FAM24B: variants seen among roughly 807,000 people sequenced by gnomAD.
The protein encoded by FAM24B is family with sequence similarity 24 member B.
A neutral mutation model predicts 2.3 loss-of-function variants in FAM24B; 3 were observed. That is an observed-to-expected ratio of 1.29 (90% CI 0.59 to 3.32). The LOEUF is 3.32. FAM24B is among the 30% of genes most tolerant of loss of function. The pLI, the probability that FAM24B is intolerant of heterozygous loss-of-function variation, is 0.03. For synonymous variants in FAM24B, 36 were observed against 46.3 expected, an observed-to-expected ratio of 0.78 and a Z score of 0.90; for missense variants, 98 against 117.2, an observed-to-expected ratio of 0.84 and a Z score of 0.76.
At chr10:122,868,362 G>A (rs1425010593) in intron 1 of FAM24B, among the ~76,000 whole-genome samples, 10 of 152,202 alleles carry the variant, frequency 6.6e-5, no homozygotes, top group Admixed American at 6.5e-4. Flanking sequence ...ACACTCTGCA[G>A]GATATTATCC....
intron 1 of FAM24B, among the ~76,000 whole-genome samples, chr10:122,860,868 C>T (rs949332563): frequency 1.3e-5 from 2 of 152,016 alleles, no homozygotes; most frequent in African/African-American, 2.4e-5. Context: ...TGCTTATTTC[C>T]TGAAATTAGG....
In FAM24B at chr10:122,870,015, T is replaced by C. The variant is rs1431577581; in HGVS notation, c.-178+9470A>G. The stretch of plus-strand genomic sequence containing the variant: ...TCCAGGAGCTGGTTTTTTGAAAAGA[T>C]CAACAAAATTGATAGACCGCTAGTA... On this transcript the variant is annotated intron_variant, in intron 1 of 3. Transcript: ENST00000368898. Among the ~76,000 whole-genome samples, 4 of 152,060 alleles carry C rather than the reference T, an allele frequency of 2.6e-5. No homozygotes were observed. In the East Asian group the frequency reaches 7.7e-4, roughly 29 times the overall value.
intron 1 of FAM24B, among the ~76,000 whole-genome samples, chr10:122,862,357 T>C (rs1847738380): frequency 6.6e-6 from 1 of 152,228 alleles, no homozygotes; most frequent in Non-Finnish European, 1.5e-5. Flanking sequence ...TCTCTCATGT[T>C]CATTTCAATG....
At chr10:122,865,184 A>G (rs1416345004) in intron 1 of FAM24B, among the ~76,000 whole-genome samples, 1 of 152,124 alleles carries the variant, frequency 6.6e-6, no homozygotes, top group African/African-American at 2.4e-5. Context: ...TTGGATTGTC[A>G]GGTTTTGTTT....
chr10:122,867,640 C>T (rs372535949), intron 1 of FAM24B, among the ~76,000 whole-genome samples: 7 of 152,312 alleles, frequency 4.6e-5, no homozygotes, highest in Admixed American at 2.0e-4. Context: ...CACCAATATC[C>T]GCTGTTCTGC....
intron 1 of FAM24B, among the ~76,000 whole-genome samples, chr10:122,867,315 C>T (rs1847818395): frequency 6.6e-6 from 1 of 152,224 alleles, no homozygotes; most frequent in Non-Finnish European, 1.5e-5. Flanking sequence ...GGGTGGAGTC[C>T]ACCACAGCTC....
At chr10:122,871,320 A>G (rs1020012645) in intron 1 of FAM24B, among the ~76,000 whole-genome samples, 1 of 152,234 alleles carries the variant, frequency 6.6e-6, no homozygotes, top group Admixed American at 6.5e-5. Context: ...TTCCATGCTC[A>G]TGGGTAGGAA....
At chr10:122,855,047 C>A (rs1847614821) in intron 2 of FAM24B, among the ~76,000 whole-genome samples, 1 of 152,082 alleles carries the variant, frequency 6.6e-6, no homozygotes, top group African/African-American at 2.4e-5. Context: ...CTTATCTTTA[C>A]CTTCAGACTC....
In FAM24B at chr10:122,864,943, T is replaced by C. The variant is rs538745399; in HGVS notation, c.-177-9157A>G. Among the ~76,000 whole-genome samples the C allele has an allele frequency of 4.9e-4, 75 of 152,368 alleles. 1 individual carries two copies. In the South Asian group the frequency reaches 9.5e-3, roughly 19 times the overall value. ...GGAATAATATTCCATTATATGAAAA[T>C]ACCAGTTTCTTTAGTTACCTACTGA... On this transcript the variant is annotated intron_variant, in intron 1 of 3. Coordinates refer to ENST00000368898, the MANE Select transcript of FAM24B (RefSeq NM_152644.3).
chr10:122,866,546 A>G (rs558872981), intron 1 of FAM24B, among the ~76,000 whole-genome samples: 1 of 152,114 alleles, frequency 6.6e-6, no homozygotes, highest in East Asian at 1.9e-4. Flanking sequence ...TTCCAACAGC[A>G]TGTGCTTACT....
At chr10:122,871,137 C>T (rs1204344604) in intron 1 of FAM24B, among the ~76,000 whole-genome samples, 11 of 151,422 alleles carry the variant, frequency 7.3e-5, no homozygotes, top group Non-Finnish European at 1.0e-4. Flanking sequence ...TCTTATACAC[C>T]AACAACAGAC....
intron 2 of FAM24B, among the ~76,000 whole-genome samples, chr10:122,853,050 C>CCT (rs1566248264): frequency 6.6e-6 from 1 of 152,146 alleles, no homozygotes; most frequent in Non-Finnish European, 1.5e-5. Flanking sequence ...AACTCACTAC[C>CCT]ATGCTATTAC....
intron 2 of FAM24B, chr10:122,850,810 C>A (rs767394893): frequency 1.5e-5 from 5 of 337,768 alleles, no homozygotes; most frequent in Non-Finnish European, 2.8e-5. Flanking sequence ...GAAGGACAAA[C>A]AGTGGGAAGA....
At chr10:122,860,426 CAT>C (rs1847709806) in intron 1 of FAM24B, among the ~76,000 whole-genome samples, 1 of 152,178 alleles carries the variant, frequency 6.6e-6, no homozygotes, top group Admixed American at 6.5e-5. Context: ...CATTGAAGGA[CAT>C]GTGGATTTAT....
At chr10:122,860,423 G>A (rs1370038586) in intron 1 of FAM24B, among the ~76,000 whole-genome samples, 2 of 152,170 alleles carry the variant, frequency 1.3e-5, no homozygotes, top group African/African-American at 4.8e-5. Flanking sequence ...ATACATTGAA[G>A]GACATGTGGA....
At chr10:122,873,784 C>T (rs1847937232) in intron 1 of FAM24B, among the ~76,000 whole-genome samples, 1 of 152,152 alleles carries the variant, frequency 6.6e-6, no homozygotes. Flanking sequence ...GTAAGCACTG[C>T]TCTTGTTGAA....
intron 1 of FAM24B, among the ~76,000 whole-genome samples, chr10:122,865,135 A>G (rs1167810143): frequency 6.6e-6 from 1 of 152,212 alleles, no homozygotes; most frequent in Non-Finnish European, 1.5e-5. Flanking sequence ...CCAGCAGTGA[A>G]TAAGAATTCC....
chr10:122,850,867 G>T, intron 2 of FAM24B: 1 of 241,490 alleles, frequency 4.1e-6, no homozygotes, highest in South Asian at 6.0e-5. Flanking sequence ...ATAACAAGCA[G>T]GCCTGCAGTG....
At chr10:122,863,200 C>T (rs996952183) in intron 1 of FAM24B, among the ~76,000 whole-genome samples, 1 of 152,320 alleles carries the variant, frequency 6.6e-6, no homozygotes, top group Non-Finnish European at 1.5e-5. Flanking sequence ...ACAGTAACAT[C>T]CACAATCACA....
Sources: gnomAD v4.1 joint callset for allele counts (sites outside exome capture counted in the v4.1 genomes callset) on GRCh38, gnomAD v4.1.1 for gene constraint, MANE v1.5 for transcripts, NCBI Gene and HGNC (gene_info 2026-07-23, HGNC 2026-07-21) for gene names.